CERS3: variants seen among roughly 807,000 people sequenced by gnomAD.
The protein encoded by CERS3 is ceramide synthase 3.
A neutral mutation model predicts 50.3 loss-of-function variants in CERS3; 33 were observed. The ratio of observed to expected loss-of-function variants is 0.66; its 90% CI spans 0.50 to 0.88. The LOEUF is 0.88. Among genes scored for constraint, CERS3 ranks in the 40% least tolerant of loss-of-function variants. The probability of loss-of-function intolerance (pLI) is 0.00; values close to 1 mark genes in which losing one functional copy is unlikely to be tolerated. For synonymous variants in CERS3, 176 were observed against 155.2 expected (o/e 1.13, Z -0.99); for missense variants, 470 against 460.3 (o/e 1.02, Z -0.19).
chr15:100,478,791 G>A (rs1047331067), intron 7 of CERS3, among the ~76,000 whole-genome samples: 9 of 151,952 alleles, frequency 5.9e-5, no homozygotes, highest in Non-Finnish European at 1.0e-4. Flanking sequence ...AAAAAAAATA[G>A]CAAAGGTACT....
chr15:100,480,337 A>G (rs1415205417), intron 5 of CERS3, among the ~76,000 whole-genome samples: 2 of 152,190 alleles, frequency 1.3e-5, no homozygotes, highest in Non-Finnish European at 2.9e-5. Flanking sequence ...AAGCAACAAT[A>G]AATGGCAGCC....
intron 10 of CERS3, among the ~76,000 whole-genome samples, chr15:100,466,604 A>G (rs1181819807): frequency 9.2e-5 from 14 of 152,100 alleles, no homozygotes. Flanking sequence ...CTTGAAATGC[A>G]GGTGCCATGC....
chr15:100,487,814 C>T (rs1448133384), intron 4 of CERS3, among the ~76,000 whole-genome samples: 1 of 152,204 alleles, frequency 6.6e-6, no homozygotes, highest in African/African-American at 2.4e-5. Flanking sequence ...ATGACTCAAG[C>T]TAGCACACTG....
At chr15:100,403,748 T>C (rs916212006) in intron 11 of CERS3, among the ~76,000 whole-genome samples, 4 of 152,178 alleles carry the variant, frequency 2.6e-5, no homozygotes, top group African/African-American at 4.8e-5. Context: ...TAATTTGTAA[T>C]CAAAAACCTG....
Position 100,473,058 on chromosome 15 carries a change from A to G in CERS3, c.610-6T>C, listed in dbSNP as rs1459983138. On this transcript the variant is annotated splice_polypyrimidine_tract_variant and splice_region_variant and intron_variant, in intron 8 of 11. Transcript: ENST00000679737. ...ATGATATGAGCTAGAAAATCCTGTA[A>G]GATGAGGGAAAATGGAAGCCATTAA... is the stretch of plus-strand genomic sequence containing the variant. The G allele has an allele frequency of 6.2e-7, 1 of 1,610,280 alleles. No individual in the cohort carries two copies. The highest frequency in any genetic ancestry group is 8.5e-7 in the Non-Finnish European group (1 of 1,178,750).
At chr15:100,493,717 G>C (rs1477875545) in intron 3 of CERS3, among the ~76,000 whole-genome samples, 1 of 151,810 alleles carries the variant, frequency 6.6e-6, no homozygotes, top group Non-Finnish European at 1.5e-5. Context: ...CTTTTATTTT[G>C]CTGTTCCTCA....
intron 1 of CERS3, among the ~76,000 whole-genome samples, chr15:100,537,888 C>G (rs771015967): frequency 1.3e-5 from 2 of 152,150 alleles, no homozygotes; most frequent in African/African-American, 2.4e-5. Context: ...TGAGACAAGG[C>G]AAGTCCCTTC....
At chr15:100,416,020 C>G (rs895972216) in intron 11 of CERS3, among the ~76,000 whole-genome samples, 5 of 152,152 alleles carry the variant, frequency 3.3e-5, no homozygotes, top group Admixed American at 2.6e-4. Flanking sequence ...GTTCCATATT[C>G]ATGGATAGGA....
At chr15:100,503,727 A>C (rs1187895324) in intron 2 of CERS3, 7 of 470,890 alleles carry the variant, frequency 1.5e-5, no homozygotes, top group Non-Finnish European at 2.6e-5. Flanking sequence ...CTCTTCTGGC[A>C]GTGGTGTGAA....
At chr15:100,470,381 A>G (rs904511021) in intron 9 of CERS3, among the ~76,000 whole-genome samples, 6 of 152,254 alleles carry the variant, frequency 3.9e-5, no homozygotes, top group African/African-American at 9.6e-5. Flanking sequence ...ATTTTGCCAT[A>G]CTACCAAGGG....
At chr15:100,472,408 G>T (rs2034998541) in intron 9 of CERS3, among the ~76,000 whole-genome samples, 1 of 149,338 alleles carries the variant, frequency 6.7e-6, no homozygotes, top group Non-Finnish European at 1.5e-5. Context: ...GACTCCTTCA[G>T]AAAACATTCT....
At chr15:100,490,223 T>G (rs776561884) in intron 4 of CERS3, among the ~76,000 whole-genome samples, 2 of 152,210 alleles carry the variant, frequency 1.3e-5, no homozygotes, top group Non-Finnish European at 2.9e-5. Flanking sequence ...TTTCTTTTTC[T>G]GAATGTATTT....
chr15:100,446,087 A>G (rs1278297461), intron 11 of CERS3, among the ~76,000 whole-genome samples: 1 of 147,036 alleles, frequency 6.8e-6, no homozygotes, highest in Non-Finnish European at 1.5e-5. Context: ...CCCCACCCCT[A>G]TCTCCCTTCA....
At chr15:100,521,449 A>C (rs2036636890) in intron 2 of CERS3, among the ~76,000 whole-genome samples, 1 of 152,132 alleles carries the variant, frequency 6.6e-6, no homozygotes, top group Non-Finnish European at 1.5e-5. Context: ...CTGTCACATG[A>C]AGCTTTCTCC....
chr15:100,534,725 T>A (rs1296724220), intron 1 of CERS3, among the ~76,000 whole-genome samples: 1 of 150,354 alleles, frequency 6.7e-6, no homozygotes, highest in South Asian at 2.1e-4. Flanking sequence ...TCCCTTTAGC[T>A]TAGTGATTTT....
At chr15:100,447,182 G>T (rs2033976896) in intron 11 of CERS3, among the ~76,000 whole-genome samples, 1 of 152,130 alleles carries the variant, frequency 6.6e-6, no homozygotes, top group South Asian at 2.1e-4. Context: ...TAACAGCACT[G>T]AAGTCAGCTA....
At chr15:100,469,550 A>C in intron 9 of CERS3, 66 bp from the exon 10 acceptor site, 1 of 1,155,154 alleles carries the variant, frequency 8.7e-7, no homozygotes. Flanking sequence ...TAAATTTATA[A>C]ATGAAATGAT....
intron 2 of CERS3, among the ~76,000 whole-genome samples, chr15:100,519,943 T>G (rs2036593883): frequency 6.6e-6 from 1 of 152,140 alleles, no homozygotes; most frequent in Non-Finnish European, 1.5e-5. Flanking sequence ...AGAGCCCCCT[T>G]TGGCCCTCCT....
At chr15:100,484,796 G>A in intron 4 of CERS3, 128 bp from the exon 5 acceptor site, 3 of 683,268 alleles carry the variant, frequency 4.4e-6, no homozygotes, top group South Asian at 3.5e-5. Context: ...CATGAGACCT[G>A]GAGCCAGGGA....
Sources: allele counts gnomAD v4.1 joint callset (sites outside exome capture counted in the v4.1 genomes callset), GRCh38; gene constraint gnomAD v4.1.1; transcripts MANE v1.5; gene names NCBI Gene and HGNC (gene_info 2026-07-23, HGNC 2026-07-21).